The following PCDHAC2 variants were observed in gnomAD, a reference collection of about 807,000 sequenced individuals.
PCDHAC2 encodes protocadherin alpha subfamily C, 2.
PCDHAC2 carries 24 observed loss-of-function variants against 63.3 expected under a neutral mutation model. The observed-to-expected ratio is 0.38, with a 90% CI of 0.27 to 0.53. The LOEUF is 0.53. Ranked by LOEUF, PCDHAC2 falls within the 20% of genes least tolerant of loss-of-function variation. The pLI is 0.81. For missense variants in PCDHAC2, 1,181 were observed against 1,275.2 expected (o/e 0.93, Z 1.12); for synonymous variants, 569 against 529.4 (o/e 1.07, Z -1.03).
intron 3 of PCDHAC2, among the ~76,000 whole-genome samples, chr5:140,996,029 C>T (rs915903807): frequency 6.6e-6 from 1 of 152,184 alleles, no homozygotes; most frequent in Admixed American, 6.5e-5. Context: ...GTTTAATGCT[C>T]CTAGCACTTA....
At chr5:140,973,800 C>A (rs1554235613) in intron 1 of PCDHAC2, among the ~76,000 whole-genome samples, 1 of 152,236 alleles carries the variant, frequency 6.6e-6, no homozygotes, top group Non-Finnish European at 1.5e-5. Context: ...ATGCTGTCTA[C>A]TTGACAGAAT....
rs75040653 is a variant in PCDHAC2 at position 140,982,339 on chromosome 5, T to G, written c.2625-136T>G. ...TGCAGGGTGACTGCTCAGCAGTAAT[T>G]GCTTCAGTTCAAGCATGAGCAGAAT... On this transcript the variant is annotated intron_variant, in intron 2 of 3. Transcript: ENST00000289269. The G allele has an allele frequency of 3.1e-3, 4,547 of 1,456,350 alleles. 58 individuals carry two copies. The East Asian group carries it at 0.042, about 14-fold the overall frequency. The allele number at this position is 1,456,350 out of a possible 1,614,324, so 90.2% of individuals were successfully genotyped here.
rs1554228572 is a variant in PCDHAC2 at position 140,966,716 on chromosome 5, G to A, written c.-51G>A. On this transcript the variant is annotated 5_prime_UTR_variant, in exon 1 of 4. Transcript: ENST00000289269. Reference sequence around the variant, plus strand: ...GGCCCGGGCGTGGGGCACGGCTGGGGAAGCTGCCGCCTCCGGCCCTGCCCG... The same window carrying A: ...GGCCCGGGCGTGGGGCACGGCTGGGAAAGCTGCCGCCTCCGGCCCTGCCCG... The A allele has an allele frequency of 2.3e-5, 32 of 1,394,682 alleles. No homozygotes were observed. The South Asian group carries it at 5.0e-4, about 22-fold the overall frequency. The allele number at this position is 1,394,682 out of a possible 1,614,324, so 86.4% of individuals were successfully genotyped here. A position where few individuals can be genotyped will look rare whatever the true frequency, so the allele number is the denominator to read the frequency against.
intron 3 of PCDHAC2, among the ~76,000 whole-genome samples, chr5:141,005,079 T>TTAGTACTTTACA (rs1375552328): frequency 3.3e-5 from 5 of 152,356 alleles, no homozygotes; most frequent in Non-Finnish European, 7.3e-5. Flanking sequence ...AGGATCAAGC[T>TTAGTACTTTACA]TAGTACTTTA....
Position 140,966,695 on chromosome 5 carries a change from C to CGGGCGTG in PCDHAC2, c.-67_-61dup. ...GGGTGGCACGAGCGGAGGCGGGGCC[C>CGGGCGTG]GGGCGTGGGGCACGGCTGGGGAAGC... On this transcript the variant is annotated 5_prime_UTR_variant, in exon 1 of 4. Transcript: ENST00000289269. 1 of 1,358,486 alleles carries CGGGCGTG rather than the reference C, an allele frequency of 7.4e-7. No individual in the cohort carries two copies. Among genetic ancestry groups the CGGGCGTG allele is most frequent in the Non-Finnish European group, 9.5e-7 (1 of 1,057,280 alleles). The allele number at this position is 1,358,486 out of a possible 1,614,324, so 84.2% of individuals were successfully genotyped here. A position where few individuals can be genotyped will look rare whatever the true frequency, so the allele number is the denominator to read the frequency against.
At position 140,966,744 on chromosome 5, in the gene PCDHAC2, T is replaced by A; in HGVS notation, c.-23T>A. 7.0e-7 allele frequency: 1 copy of A among 1,424,124 alleles called. No homozygotes were observed. The allele number at this position is 1,424,124 out of a possible 1,614,324, so 88.2% of individuals were successfully genotyped here. ...GCTGCCGCCTCCGGCCCTGCCCGGC[T>A]GCCTCCGCCGCGGCCAGTGGCTATG... On this transcript the variant is annotated 5_prime_UTR_variant, in exon 1 of 4. Coordinates refer to ENST00000289269, the MANE Select transcript of PCDHAC2 (RefSeq NM_018899.6).
At position 140,968,070 on chromosome 5, in the gene PCDHAC2, A is replaced by T; in HGVS notation, c.1304A>T (p.Tyr435Phe). 1 of 1,614,152 alleles carries T rather than the reference A, an allele frequency of 6.2e-7. No individual in the cohort carries two copies. The highest frequency in any genetic ancestry group is 8.5e-7 in the Non-Finnish European group (1 of 1,180,016). Residue 435 changes from tyrosine to phenylalanine, a missense_variant, in exon 1 of 4, where the codon TAC (tyrosine) becomes TTC (phenylalanine). Physicochemically the swap from Tyr to Phe is conservative, Grantham distance 22. Coordinates refer to ENST00000289269, the MANE Select transcript of PCDHAC2 (RefSeq NM_018899.6). ...CTGGACCGAGAGCGGGTGGCTGTCT[A>T]CAACATCACGGTGACAGCCACAGAT... ...GPLDRERVAV[Y>F]NITVTATDGG...
chr5:140,999,066 T>G (rs2097845533), intron 3 of PCDHAC2, among the ~76,000 whole-genome samples: 1 of 152,214 alleles, frequency 6.6e-6, no homozygotes, highest in Admixed American at 6.5e-5. Flanking sequence ...CTAAGTAGTC[T>G]CCTTCACTTC....
chr5:140,974,975 T>A (rs782637911), intron 1 of PCDHAC2, among the ~76,000 whole-genome samples: 1 of 152,222 alleles, frequency 6.6e-6, no homozygotes, highest in African/African-American at 2.4e-5. Context: ...GTGGCTGAGT[T>A]GTCCGCTCAG....
intron 1 of PCDHAC2, among the ~76,000 whole-genome samples, chr5:140,975,592 C>A (rs2096673847): frequency 6.6e-6 from 1 of 152,170 alleles, no homozygotes; most frequent in Non-Finnish European, 1.5e-5. Context: ...TCCCAGAGGG[C>A]AATTTGTTGA....
chr5:140,992,841 A>G (rs1351149915), intron 3 of PCDHAC2, among the ~76,000 whole-genome samples: 2 of 152,188 alleles, frequency 1.3e-5, no homozygotes, highest in African/African-American at 2.4e-5. Flanking sequence ...AACATTTTGT[A>G]TAACAACCAG....
rs2098416892 is a variant in PCDHAC2, at chr5:141,010,305, G to A, written c.*368G>A. ...TGACACTTGCAGGGCAGGCTGAAAA[G>A]TTTTGAGATTGAGCAGCTTGGGAGT... is the stretch of plus-strand genomic sequence containing the variant. On this transcript the variant is annotated 3_prime_UTR_variant, in exon 4 of 4. Coordinates refer to ENST00000289269, the MANE Select transcript of PCDHAC2 (RefSeq NM_018899.6). 1 of 1,548,478 alleles carries A rather than the reference G, an allele frequency of 6.5e-7. No individual in the cohort carries two copies. The highest frequency in any genetic ancestry group is 2.4e-5 in the East Asian group (1 of 40,890).
chr5:140,978,217 A>G (rs1554239114), intron 1 of PCDHAC2, among the ~76,000 whole-genome samples: 2 of 152,222 alleles, frequency 1.3e-5, no homozygotes, highest in East Asian at 1.9e-4. Flanking sequence ...TGCAAAATGT[A>G]TCAGGTTTTT....
In PCDHAC2 at chr5:140,966,679, G is replaced by C. The variant is rs1554228549; in HGVS notation, c.-88G>C. On this transcript the variant is annotated 5_prime_UTR_variant, in exon 1 of 4. Coordinates refer to ENST00000289269, the MANE Select transcript of PCDHAC2 (RefSeq NM_018899.6). ...TGGGGGAGCAGGCGCAGGGTGGCAC[G>C]AGCGGAGGCGGGGCCCGGGCGTGGG... 11 of 1,317,564 alleles carry C rather than the reference G, an allele frequency of 8.3e-6. No homozygotes were observed. Among genetic ancestry groups the C allele is most frequent in the East Asian group, 3.0e-5 (1 of 33,760 alleles). The allele number at this position is 1,317,564 out of a possible 1,614,324, so 81.6% of individuals were successfully genotyped here.
chr5:141,008,670 A>G (rs1375302412), intron 3 of PCDHAC2, among the ~76,000 whole-genome samples: 1 of 152,218 alleles, frequency 6.6e-6, no homozygotes, highest in Non-Finnish European at 1.5e-5. Flanking sequence ...TACTTTACAT[A>G]TACTTTAGTT....
chr5:141,005,659 G>A (rs963015988), intron 3 of PCDHAC2, among the ~76,000 whole-genome samples: 2 of 123,926 alleles, frequency 1.6e-5, no homozygotes, highest in South Asian at 2.6e-4. Flanking sequence ...TCGAGATCGC[G>A]CCACTGCACT....
At chr5:140,989,101 A>G (rs1293454775) in intron 3 of PCDHAC2, 1 of 152,216 alleles carries the variant, frequency 6.6e-6, no homozygotes, top group African/African-American at 2.4e-5. Flanking sequence ...AGGAGAAACA[A>G]CTTTTGAATA....
At chr5:140,993,218 T>C (rs534348907) in intron 3 of PCDHAC2, among the ~76,000 whole-genome samples, 1 of 152,330 alleles carries the variant, frequency 6.6e-6, no homozygotes, top group East Asian at 1.9e-4. Flanking sequence ...TTTAGCTTTT[T>C]GGTATGTTCT....
intron 3 of PCDHAC2, among the ~76,000 whole-genome samples, chr5:140,997,147 A>G (rs545988847): frequency 5.9e-5 from 9 of 152,134 alleles, no homozygotes; most frequent in African/African-American, 2.2e-4. Context: ...CCCCCGCCAC[A>G]GTGACATCCT....
Sources: allele counts gnomAD v4.1 joint callset (sites outside exome capture counted in the v4.1 genomes callset), GRCh38; gene constraint gnomAD v4.1.1; transcripts MANE v1.5; gene names NCBI Gene and HGNC (gene_info 2026-07-23, HGNC 2026-07-21).